TNRC6B: variants seen among roughly 807,000 people sequenced by gnomAD.
TNRC6B encodes the protein trinucleotide repeat-containing gene 6B protein.
TNRC6B carries 52 observed loss-of-function variants against 203.6 expected under a neutral mutation model. The ratio of observed to expected loss-of-function variants is 0.26; its 90% confidence interval spans 0.20 to 0.32. TNRC6B has a LOEUF of 0.32. TNRC6B is among the 10% of genes least tolerant of loss of function. The probability of loss-of-function intolerance (pLI) is 1.00; values close to 1 mark genes in which losing one functional copy is unlikely to be tolerated. For synonymous variants in TNRC6B, 838 were observed against 845.7 expected (o/e 0.99, Z 0.16); for missense variants, 1,923 against 2,286.2 (o/e 0.84, Z 3.24).
In TNRC6B at chr22:40,251,634, G is replaced by A. The variant is rs562198080; in HGVS notation, c.115+434G>A. Among the ~76,000 whole-genome samples, 472 of 151,834 alleles carry A rather than the reference G, an allele frequency of 3.1e-3. 1 individual carries two copies. Among genetic ancestry groups the A allele is most frequent in the Non-Finnish European group, 5.5e-3 (372 of 67,986 alleles). The stretch of plus-strand genomic sequence containing the variant: ...CTTGGGAGGCTGAGGCATGAGAATC[G>A]CTTGAACCTGGGAGGCAGAGGTTGC... On this transcript the variant is annotated intron_variant, in intron 3 of 22. Coordinates refer to ENST00000454349, the MANE Select transcript of TNRC6B (RefSeq NM_001162501.2).
chr22:40,144,535 C>T (rs1446120304), intron 3 of TNRC6B, among the ~76,000 whole-genome samples: 6 of 151,980 alleles, frequency 3.9e-5, no homozygotes, highest in East Asian at 1.9e-4. Flanking sequence ...ATTAGCCGGG[C>T]GTGGTGGCGG....
rs757437469 is a variant in TNRC6B at position 40,266,570 on chromosome 22, C to T, written c.2340C>T (p.Ile780=). 26 of 1,613,194 alleles carry T rather than the reference C, an allele frequency of 1.6e-5. No individual in the cohort carries two copies. The highest frequency in any genetic ancestry group is 3.3e-5 in the South Asian group (3 of 90,960). The stretch of plus-strand genomic sequence containing the variant: ...GGGGTGAAGGAGGGCAGAATGAAAT[C>T]GGGACTTGGGGTAATGGTGGCAATG... The part of the protein sequence containing the change: ...SGWGEGGQNE[I]GTWGNGGNAS... The change falls in exon 5 of 23, where the codon ATC becomes ATT. Residue 780 remains isoleucine, a synonymous_variant. Transcript: ENST00000454349.
At chr22:40,080,979 C>T (rs1202285546) in intron 1 of TNRC6B, among the ~76,000 whole-genome samples, 1 of 152,046 alleles carries the variant, frequency 6.6e-6, no homozygotes, top group African/African-American at 2.4e-5. Flanking sequence ...GCCTCAGCCT[C>T]CCAAGTAGCT....
intron 4 of TNRC6B, among the ~76,000 whole-genome samples, chr22:40,172,892 TTCTG>T (rs1249693763): frequency 1.3e-5 from 2 of 152,232 alleles, no homozygotes; most frequent in Non-Finnish European, 2.9e-5. Flanking sequence ...TTTTGGTAAC[TTCTG>T]TTTTCTTTGA....
At chr22:40,050,644 A>G (rs1302861435) in intron 1 of TNRC6B, among the ~76,000 whole-genome samples, 1 of 152,028 alleles carries the variant, frequency 6.6e-6, no homozygotes, top group African/African-American at 2.4e-5. Flanking sequence ...ATTTTTTCAT[A>G]GCTGTCACCA....
rs557586927 is a variant in TNRC6B, at chr22:40,243,726, A to G, written c.6-2289A>G. On this transcript the variant is annotated intron_variant, in intron 1 of 22. Transcript: ENST00000454349. Reference sequence around the variant, plus strand: ...CCGCCTCCCAAGTAGCTGGGATTACAGGTGCATGCCACCACGCCCAGCTAA... The same window carrying G: ...CCGCCTCCCAAGTAGCTGGGATTACGGGTGCATGCCACCACGCCCAGCTAA... 3.3e-5 allele frequency among the ~76,000 whole-genome samples: 5 copies of G among 152,250 alleles called. No homozygotes were observed. The East Asian group carries it at 5.8e-4, about 18-fold the overall frequency.
Position 40,290,710 on chromosome 22 carries a change from C to G in TNRC6B, c.3708+4940C>G, listed in dbSNP as rs540025301. On this transcript the variant is annotated intron_variant, in intron 12 of 22. Transcript: ENST00000454349. ...GCTCCTTGTCTTTTCTCCCTCTCTG[C>G]CCCGCGCCTAGGAGTATAATAAGCT... Among the ~76,000 whole-genome samples, 704 of 152,204 alleles carry G rather than the reference C, an allele frequency of 4.6e-3. 6 individuals are homozygous for G. Among genetic ancestry groups the G allele is most frequent in the Non-Finnish European group, 6.9e-3 (466 of 68,008 alleles).
chr22:40,061,096 C>T (rs1264337997), intron 1 of TNRC6B, among the ~76,000 whole-genome samples: 1 of 152,156 alleles, frequency 6.6e-6, no homozygotes, highest in African/African-American at 2.4e-5. Context: ...CTTTTTGGTA[C>T]ACTTTGTATA....
At chr22:40,132,943 CAAAAAAAAAA>C (rs71199270) in intron 3 of TNRC6B, among the ~76,000 whole-genome samples, 255 of 23,874 alleles carry the variant, frequency 0.011, 4 homozygotes, top group Non-Finnish European at 0.013. Flanking sequence ...GACTCTGTCT[CAAAAAAAAAA>C]AAAAAAAAAA....
rs111730067 is a variant in TNRC6B, at chr22:40,213,823, T to C, written c.6-32192T>C. Among the ~76,000 whole-genome samples, 15 of 152,282 alleles carry C rather than the reference T, an allele frequency of 9.9e-5. 1 individual carries two copies. The highest frequency in any genetic ancestry group is 3.6e-4 in the African/African-American group (15 of 41,546). On this transcript the variant is annotated intron_variant, in intron 1 of 22. Transcript: ENST00000454349. The stretch of plus-strand genomic sequence containing the variant: ...TTTGCAGTGCACTACTGTATAGGAA[T>C]AGCTAATCCAAAGTCAACTGATAAC...
intron 3 of TNRC6B, among the ~76,000 whole-genome samples, chr22:40,256,952 A>T (rs2070288585): frequency 6.6e-6 from 1 of 152,186 alleles, no homozygotes; most frequent in Admixed American, 6.5e-5. Context: ...TTCCAGGGAG[A>T]TGTTCAAGGC....
intron 1 of TNRC6B, among the ~76,000 whole-genome samples, chr22:40,115,051 T>G (rs1230854401): frequency 6.6e-6 from 1 of 152,214 alleles, no homozygotes; most frequent in Non-Finnish European, 1.5e-5. Context: ...CTTGGAAAAC[T>G]GCTCAGTTTC....
At chr22:40,066,898 T>C (rs983303103) in intron 1 of TNRC6B, among the ~76,000 whole-genome samples, 2 of 151,408 alleles carry the variant, frequency 1.3e-5, no homozygotes, top group African/African-American at 2.4e-5. Flanking sequence ...TTTCTTTTTT[T>C]TTTTTTTCTT....
At position 40,265,535 on chromosome 22, in the gene TNRC6B, C is replaced by T. The variant is rs2070465542; in HGVS notation, c.1305C>T (p.Asp435=). ...WGAARGPSGT[D]TVSGQSNSGN... is the part of the protein sequence containing the mutation. Reference sequence around the variant, plus strand: ...CAGCTAGGGGGCCTTCTGGAACTGACACAGTCTCTGGACAAAGCAATTCTG... The same window carrying T: ...CAGCTAGGGGGCCTTCTGGAACTGATACAGTCTCTGGACAAAGCAATTCTG... The change falls in exon 5 of 23, where the codon GAC becomes GAT. Residue 435 remains aspartate, a synonymous_variant. Coordinates refer to ENST00000454349, the MANE Select transcript of TNRC6B (RefSeq NM_001162501.2). The T allele has an allele frequency of 2.5e-6, 4 of 1,613,756 alleles. No homozygotes were observed. The highest frequency in any genetic ancestry group is 2.2e-5 in the South Asian group (2 of 91,062).
chr22:40,084,167 C>G (rs2068083517), intron 1 of TNRC6B, among the ~76,000 whole-genome samples: 1 of 152,040 alleles, frequency 6.6e-6, no homozygotes, highest in Non-Finnish European at 1.5e-5. Flanking sequence ...TAATGATTAA[C>G]TATGTAATCT....
At chr22:40,320,974 T>G (rs2071327055) in intron 21 of TNRC6B, 116 bp from the exon 22 acceptor site, 1 of 1,185,366 alleles carries the variant, frequency 8.4e-7, no homozygotes, top group Non-Finnish European at 1.2e-6. Context: ...GCTGCATTTA[T>G]GGAAACTATT....
chr22:40,133,970 C>CAAA lies in TNRC6B; in HGVS notation c.45+8133_45+8135dup, dbSNP rs57924620. On this transcript the variant is annotated intron_variant, in intron 3 of 23. Coordinates refer to the TNRC6B transcript ENST00000301923. ...GGGCAACAAGAGCAAAGCTCCGTCT[C>CAAA]AAAAAAAAAAAAAAAAAAAAAAAAA... 2.2e-4 allele frequency among the ~76,000 whole-genome samples: 10 copies of CAAA among 45,972 alleles called. 1 individual carries two copies. Among genetic ancestry groups the CAAA allele is most frequent in the Admixed American group, 2.9e-4 (1 of 3,406 alleles). The allele number at this position is 45,972 out of a possible 152,430, so 30.2% of individuals were successfully genotyped here. A position where few individuals can be genotyped will look rare whatever the true frequency, so the allele number is the denominator to read the frequency against.
intron 1 of TNRC6B, among the ~76,000 whole-genome samples, chr22:40,088,967 G>A (rs918757052): frequency 6.6e-6 from 1 of 152,026 alleles, no homozygotes. Context: ...TATGCCCTGA[G>A]AGTGAAAAAA....
intron 1 of TNRC6B, among the ~76,000 whole-genome samples, chr22:40,087,886 T>G (rs961846626): frequency 5.9e-5 from 9 of 152,138 alleles, no homozygotes; most frequent in Non-Finnish European, 1.2e-4. Flanking sequence ...TGTACAGCGT[T>G]TGGTGACCCA....
Sources: allele counts gnomAD v4.1 joint callset (sites outside exome capture counted in the v4.1 genomes callset), GRCh38; gene constraint gnomAD v4.1.1; transcripts MANE v1.5; gene names NCBI Gene and HGNC (gene_info 2026-07-23, HGNC 2026-07-21).